Variants in SUZ12 observed in about 807,000 individuals in gnomAD.
SUZ12 encodes polycomb protein SUZ12.
Under a neutral mutation model 87.3 loss-of-function variants are expected in SUZ12, and 17 were observed. The observed-to-expected ratio is 0.19, with a 90% CI of 0.13 to 0.29. The LOEUF (loss-of-function observed/expected upper bound fraction) is 0.29. Ranked by LOEUF, SUZ12 falls within the 10% of genes least tolerant of loss-of-function variation. SUZ12 has a pLI of 1.00. For missense variants in SUZ12, 526 were observed against 912.2 expected, an observed-to-expected ratio of 0.58 and a Z score of 5.45; for synonymous variants, 253 against 312.4, an observed-to-expected ratio of 0.81 and a Z score of 2.01.
intron 4 of SUZ12, among the ~76,000 whole-genome samples, chr17:31,955,613 T>A (rs1433892013): frequency 6.6e-6 from 1 of 151,628 alleles, no homozygotes; most frequent in Non-Finnish European, 1.5e-5. Context: ...CTGGGCAGAG[T>A]GTCGTGCACC....
chr17:31,979,038 G>A (rs1486334726), intron 8 of SUZ12, among the ~76,000 whole-genome samples: 5 of 147,704 alleles, frequency 3.4e-5, no homozygotes, highest in African/African-American at 7.4e-5. Context: ...CCCAGGAGGC[G>A]GAGGTTACAG....
chr17:31,937,280 G>A lies in SUZ12; in HGVS notation c.34G>A (p.Gly12Ser). The A allele has an allele frequency of 7.2e-7, 1 of 1,387,204 alleles. No individual in the cohort carries two copies. The highest frequency in any genetic ancestry group is 9.2e-7 in the Non-Finnish European group (1 of 1,081,352). 85.9% of individuals were successfully genotyped at this position (1,387,204 alleles called of 1,614,324 possible). ...APQKHGGGGG[G>S]GSGPSAGSGG... ...TCAGAAGCACGGCGGTGGGGGAGGG[G>A]GCGGCTCGGGGCCCAGCGCGGGGTC... The change falls in exon 1 of 16, where the codon GGC (glycine) becomes AGC (serine). Residue 12 changes from glycine (G) to serine (S), a missense_variant. Physicochemically the swap from Gly to Ser is moderately conservative, Grantham distance 56 (BLOSUM62 0). Coordinates refer to ENST00000322652, the MANE Select transcript of SUZ12 (RefSeq NM_015355.4).
At chr17:31,959,778 T>A (rs1053153664) in intron 4 of SUZ12, among the ~76,000 whole-genome samples, 2 of 152,200 alleles carry the variant, frequency 1.3e-5, no homozygotes, top group African/African-American at 4.8e-5. Flanking sequence ...GAATTAGATT[T>A]CAAAGTGTTA....
Position 31,982,720 on chromosome 17 carries a change from G to C in SUZ12, c.918-279G>C, listed in dbSNP as rs140611252. Among the ~76,000 whole-genome samples, 1,290 of 152,192 alleles carry C rather than the reference G, an allele frequency of 8.5e-3. 16 individuals carry two copies. Among genetic ancestry groups the C allele is most frequent in the African/African-American group, 0.03 (1,234 of 41,530 alleles). ...ACGCTTTATATTTAATGTTGACAAC[G>C]TACCAGGTTTTGAGACCTCAGGCAT... On this transcript the variant is annotated intron_variant, in intron 8 of 15. Coordinates refer to ENST00000322652, the MANE Select transcript of SUZ12 (RefSeq NM_015355.4).
intron 8 of SUZ12, among the ~76,000 whole-genome samples, chr17:31,980,595 T>C (rs1909047377): frequency 6.6e-6 from 1 of 151,714 alleles, no homozygotes; most frequent in Admixed American, 6.6e-5. Flanking sequence ...GATTAAGGCA[T>C]GCGCCACCAT....
At chr17:31,974,069 A>T (rs867824735) in intron 6 of SUZ12, among the ~76,000 whole-genome samples, 1 of 152,168 alleles carries the variant, frequency 6.6e-6, no homozygotes, top group Admixed American at 6.5e-5. Context: ...CCAAAAATAC[A>T]AAAATGAGCT....
chr17:31,940,387 A>G (rs1005466131), intron 2 of SUZ12, 35 bp from the exon 3 acceptor site: 6 of 1,585,694 alleles, frequency 3.8e-6, no homozygotes, highest in Admixed American at 3.8e-5. Flanking sequence ...CTGCATCTGT[A>G]TTCAATTTTA....
At chr17:31,950,640 T>A (rs1329313675) in intron 4 of SUZ12, among the ~76,000 whole-genome samples, 3 of 152,124 alleles carry the variant, frequency 2.0e-5, no homozygotes, top group Non-Finnish European at 4.4e-5. Context: ...ACTAAGATTG[T>A]GCTACTGCAC....
intron 5 of SUZ12, among the ~76,000 whole-genome samples, chr17:31,968,030 G>A (rs573140145): frequency 2.6e-5 from 4 of 152,262 alleles, no homozygotes; most frequent in African/African-American, 9.6e-5. Context: ...GCACATGCCT[G>A]TAGTCCCAGC....
At chr17:31,989,054 C>T (rs918328561) in intron 10 of SUZ12, among the ~76,000 whole-genome samples, 5 of 151,270 alleles carry the variant, frequency 3.3e-5, no homozygotes, top group African/African-American at 1.2e-4. Flanking sequence ...GGAGACAGAG[C>T]AATACTCCAT....
intron 4 of SUZ12, among the ~76,000 whole-genome samples, chr17:31,952,813 G>A (rs540167802): frequency 2.7e-4 from 41 of 152,088 alleles, no homozygotes; most frequent in African/African-American, 9.2e-4. Flanking sequence ...TCCGCCTTCC[G>A]TGGCCTTCCA....
intron 5 of SUZ12, among the ~76,000 whole-genome samples, chr17:31,971,236 C>T (rs531849637): frequency 1.3e-5 from 2 of 151,898 alleles, no homozygotes; most frequent in Non-Finnish European, 2.9e-5. Flanking sequence ...CATTTTTTAT[C>T]CTTTTGGCCA....
At chr17:31,964,452 G>T (rs1161186075) in intron 4 of SUZ12, among the ~76,000 whole-genome samples, 1 of 151,226 alleles carries the variant, frequency 6.6e-6, no homozygotes, top group African/African-American at 2.4e-5. Context: ...TGTCACCCAG[G>T]CTGGAGTGCA....
At chr17:31,982,694 T>TA (rs1261912436) in intron 8 of SUZ12, among the ~76,000 whole-genome samples, 7 of 152,228 alleles carry the variant, frequency 4.6e-5, no homozygotes, top group East Asian at 1.9e-4. Flanking sequence ...AGCCTGTACT[T>TA]ACGCTTTATA....
intron 1 of SUZ12, among the ~76,000 whole-genome samples, chr17:31,939,557 T>C (rs1318008131): frequency 1.3e-5 from 2 of 151,938 alleles, no homozygotes; most frequent in East Asian, 1.9e-4. Flanking sequence ...AGTTTCGCTC[T>C]TTATTGCCCA....
chr17:31,948,442 T>C (rs1329962294), intron 4 of SUZ12, among the ~76,000 whole-genome samples: 2 of 152,316 alleles, frequency 1.3e-5, no homozygotes, highest in African/African-American at 4.8e-5. Flanking sequence ...CTAAAAATAT[T>C]AGATTCTTGA....
At chr17:31,987,618 G>A (rs1909483879) in intron 9 of SUZ12, among the ~76,000 whole-genome samples, 2 of 138,932 alleles carry the variant, frequency 1.4e-5, no homozygotes, top group South Asian at 4.2e-4. Context: ...TGGGCTTTGG[G>A]TACCACAATT....
intron 13 of SUZ12, among the ~76,000 whole-genome samples, chr17:31,995,230 A>G (rs1909912176): frequency 6.6e-6 from 1 of 152,216 alleles, no homozygotes; most frequent in Non-Finnish European, 1.5e-5. Flanking sequence ...AATATACATG[A>G]GTTAGAATAC....
At chr17:31,962,865 T>C (rs1907821015) in intron 4 of SUZ12, among the ~76,000 whole-genome samples, 1 of 152,206 alleles carries the variant, frequency 6.6e-6, no homozygotes, top group African/African-American at 2.4e-5. Flanking sequence ...GTTAATCTGG[T>C]CTTAGTATGT....
Sources: allele counts gnomAD v4.1 joint callset (sites outside exome capture counted in the v4.1 genomes callset), GRCh38; gene constraint gnomAD v4.1.1; transcripts MANE v1.5; gene names NCBI Gene and HGNC (gene_info 2026-07-23, HGNC 2026-07-21).